Variants in DNAH10 observed in about 807,000 individuals in gnomAD.
DNAH10 encodes the protein dynein axonemal heavy chain 10.
Under a neutral mutation model 506.6 loss-of-function variants are expected in DNAH10, and 348 were observed. The observed-to-expected ratio is 0.69, with a 90% CI of 0.63 to 0.75. The LOEUF (loss-of-function observed/expected upper bound fraction) is 0.75. DNAH10 is among the 30% of genes least tolerant of loss of function. The pLI, the probability that DNAH10 is intolerant of heterozygous loss-of-function variation, is 0.00. For missense variants in DNAH10, 5,179 were observed against 5,787.1 expected (o/e 0.89, Z 3.41); for synonymous variants, 2,059 against 2,198.6 (o/e 0.94, Z 1.78).
At chr12:123,822,123 CT>C (rs1459430073) in intron 24 of DNAH10, among the ~76,000 whole-genome samples, 1 of 152,174 alleles carries the variant, frequency 6.6e-6, no homozygotes, top group African/African-American at 2.4e-5. Context: ...ACAAGAATCG[CT>C]TGAACCCAGG....
At position 123,917,497 on chromosome 12, in the gene DNAH10, G is replaced by A. The variant is rs907676317; in HGVS notation, c.11003-87G>A. On this transcript the variant is annotated intron_variant, in intron 63 of 78. Coordinates refer to ENST00000673944, the MANE Select transcript of DNAH10 (RefSeq NM_001372106.1). This position sits in a 1 kb window ranked among gnomAD's most constrained non-coding sequence, Gnocchi z 5.6. ...CTCTGGCCTGCTGGCTGAGACCCGCGCTAAGCTTGTCCCGTCACAGCAGGG... is the reference window on the plus strand; with the variant it reads ...CTCTGGCCTGCTGGCTGAGACCCGCACTAAGCTTGTCCCGTCACAGCAGGG... The A allele has an allele frequency of 1.1e-5, 15 of 1,372,820 alleles. No homozygotes were observed. Among genetic ancestry groups the A allele is most frequent in the African/African-American group, 2.9e-5 (2 of 69,740 alleles). The allele number at this position is 1,372,820 out of a possible 1,614,324, so 85.0% of individuals were successfully genotyped here. A position where few individuals can be genotyped will look rare whatever the true frequency, so the allele number is the denominator to read the frequency against.
rs551991055 is a variant in DNAH10 at position 123,917,940 on chromosome 12, A to G, written c.11232+127A>G. On this transcript the variant is annotated intron_variant, in intron 64 of 78. Coordinates refer to ENST00000673944, the MANE Select transcript of DNAH10 (RefSeq NM_001372106.1). The surrounding 1 kb of genome is among the most constrained non-coding windows in gnomAD (Gnocchi z 5.6). ...ATCTCAGGGCTAAAAACCCACCTCT[A>G]TTGGGATGTGCTGTGGGGAGGGGAG... The G allele has an allele frequency of 4.2e-5, 43 of 1,013,232 alleles. No individual in the cohort carries two copies. The African/African-American group carries it at 5.8e-4, about 14-fold the overall frequency. The allele number at this position is 1,013,232 out of a possible 1,614,324, so 62.8% of individuals were successfully genotyped here. A position where few individuals can be genotyped will look rare whatever the true frequency, so the allele number is the denominator to read the frequency against.
At chr12:123,774,351 T>C in intron 5 of DNAH10, 87 bp downstream of exon 5, 1 of 1,030,116 alleles carries the variant, frequency 9.7e-7, no homozygotes, top group Non-Finnish European at 1.4e-6. Flanking sequence ...AGCGGGCAGC[T>C]CTTCTGTCTC....
chr12:123,932,028 A>C lies in DNAH10; in HGVS notation c.13216A>C (p.Arg4406=), dbSNP rs1955237771. 6.2e-7 allele frequency: 1 copy of C among 1,614,028 alleles called. No homozygotes were observed. Among genetic ancestry groups the C allele is most frequent in the South Asian group, 1.1e-5 (1 of 91,076 alleles). ...CGGGCATATCCCTAATATCTGGAGA[A>C]GGCTTGCTCCTGACACCTTAAAGTC... ...FIGHIPNIWR[R]LAPDTLKSLG... Residue 4406 remains arginine, a synonymous_variant, in exon 76 of 79, where the codon AGG becomes CGG. Transcript: ENST00000673944.
chr12:123,810,747 G>A (rs1174372915), intron 19 of DNAH10, among the ~76,000 whole-genome samples: 1 of 152,102 alleles, frequency 6.6e-6, no homozygotes, highest in East Asian at 1.9e-4. Flanking sequence ...TGCTAAGACA[G>A]TTATTTATTA....
Position 123,823,929 on chromosome 12 carries a change from A to G in DNAH10, c.4180-2758A>G, listed in dbSNP as rs1455779586. On this transcript the variant is annotated intron_variant, in intron 24 of 78. Transcript: ENST00000673944. The stretch of plus-strand genomic sequence containing the variant: ...AGACATAGCTTGGTCCCCCCAGCCT[A>G]CTCTGGTCTGTGGATGTTAAGGGAC... Among the ~76,000 whole-genome samples the G allele has an allele frequency of 2.0e-5, 3 of 151,892 alleles. No homozygotes were observed. In the East Asian group the frequency reaches 5.8e-4, roughly 29 times the overall value.
In DNAH10 at chr12:123,897,859, C is replaced by G. The variant is rs1277488806; in HGVS notation, c.9370C>G (p.Gln3124Glu). The G allele has an allele frequency of 6.2e-7, 1 of 1,611,300 alleles. No individual in the cohort carries two copies. The highest frequency in any genetic ancestry group is 1.1e-5 in the South Asian group (1 of 90,058). Reference protein sequence around the residue: ...VHQSVDHYSQQFLQKLRRSNY... With the variant: ...VHQSVDHYSQEFLQKLRRSNY... The stretch of plus-strand genomic sequence containing the variant: ...CCAATCCGTGGACCACTACAGCCAA[C>G]AGTTTCTACAGAAATTGAGGCGCAG... The change falls in exon 55 of 79, where the codon CAG (glutamine) becomes GAG (glutamate). Residue 3124 changes from glutamine (Q) to glutamate (E), a missense_variant. Coordinates refer to ENST00000673944, the MANE Select transcript of DNAH10 (RefSeq NM_001372106.1).
chr12:123,918,564 C>T, intron 64 of DNAH10, 112 bp from the exon 65 acceptor site: 2 of 1,337,468 alleles, frequency 1.5e-6, no homozygotes, highest in East Asian at 2.4e-5. Flanking sequence ...TCCCTGGATA[C>T]TTTCAAAGCC....
chr12:123,857,051 T>G lies in DNAH10; in HGVS notation c.6439-5T>G, dbSNP rs1218332895. 1 of 1,602,816 alleles carries G rather than the reference T, an allele frequency of 6.2e-7. No homozygotes were observed. Among genetic ancestry groups the G allele is most frequent in the Admixed American group, 1.7e-5 (1 of 58,362 alleles). ...TCTTGGAAACATGTGTTTCATTTCC[T>G]GCAGGACGTGGTGCTGATGAGGGCC... On this transcript the variant is annotated splice_region_variant and splice_polypyrimidine_tract_variant and intron_variant, in intron 36 of 78. Coordinates refer to ENST00000673944, the MANE Select transcript of DNAH10 (RefSeq NM_001372106.1).
At chr12:123,898,447 T>A (rs117627567) in intron 55 of DNAH10, among the ~76,000 whole-genome samples, 1,887 of 152,334 alleles carry the variant, frequency 0.012, 20 homozygotes, top group South Asian at 0.017. Context: ...GCTCTGGCTG[T>A]TGGCCAAGGG....
Position 123,845,634 on chromosome 12 carries a change from G to A in DNAH10, c.5395G>A (p.Val1799Met), listed in dbSNP as rs867208380. The A allele has an allele frequency of 4.3e-6, 7 of 1,613,512 alleles. No individual in the cohort carries two copies. The highest frequency in any genetic ancestry group is 1.6e-4 in the Middle Eastern group (1 of 6,062). ...DWMLLYQGMVVLAASQVWWTW... is the reference protein window; with the variant it reads ...DWMLLYQGMVMLAASQVWWTW... ...GATGCTCCTGTACCAGGGCATGGTG[G>A]TGCTGGCCGCTAGCCAGGTGTGGTG... The change falls in exon 31 of 79, where the codon GTG (valine) becomes ATG (methionine). Residue 1799 changes from valine (V) to methionine (M), a missense_variant. Transcript: ENST00000673944.
In DNAH10 at chr12:123,803,726, A is replaced by G. The variant is rs1234293162; in HGVS notation, c.2680A>G (p.Ile894Val). ...IGKFESLVHQ[I>V]HKNADDISSR... ...GAAATTTGAGTCTCTCGTCCACCAG[A>G]TTCATAAGAATGCAGATGACATTTC... is the stretch of plus-strand genomic sequence containing the variant. Residue 894 changes from isoleucine (I) to valine (V), a missense_variant, in exon 17 of 79, where the codon ATT (isoleucine) becomes GTT (valine). Ile to Val is a conservative substitution (Grantham distance 29). Around this residue, in one of 3 missense-constraint regions of DNAH10, gnomAD observed 4,844 missense variants for 5,430.5 expected, o/e 0.89. Coordinates refer to ENST00000673944, the MANE Select transcript of DNAH10 (RefSeq NM_001372106.1). 10 of 1,611,970 alleles carry G rather than the reference A, an allele frequency of 6.2e-6. No individual in the cohort carries two copies. The highest frequency in any genetic ancestry group is 8.5e-6 in the Non-Finnish European group (10 of 1,179,476).
At chr12:123,896,144 CACACAG>C (rs1303729098) in intron 54 of DNAH10, among the ~76,000 whole-genome samples, 18 of 110,696 alleles carry the variant, frequency 1.6e-4, no homozygotes, top group Middle Eastern at 4.4e-3. Flanking sequence ...CACACACACA[CACACAG>C]AGAGAGAGAG....
At chr12:123,831,348 A>G (rs1050746871) in intron 26 of DNAH10, among the ~76,000 whole-genome samples, 1 of 152,248 alleles carries the variant, frequency 6.6e-6, no homozygotes, top group Non-Finnish European at 1.5e-5. Context: ...GTACACAGGT[A>G]CACACATACA....
intron 64 of DNAH10, 111 bp from the exon 65 acceptor site, chr12:123,918,565 T>C: frequency 7.4e-7 from 1 of 1,349,118 alleles, no homozygotes; most frequent in Non-Finnish European, 9.9e-7. Flanking sequence ...CCCTGGATAC[T>C]TTCAAAGCCC....
chr12:123,797,818 T>A (rs1356492306), intron 13 of DNAH10, among the ~76,000 whole-genome samples: 1 of 152,226 alleles, frequency 6.6e-6, no homozygotes, highest in Non-Finnish European at 1.5e-5. Context: ...TTCGATATGA[T>A]CTCACCCCCC....
chr12:123,859,361 G>A, intron 38 of DNAH10, 93 bp downstream of exon 38: 1 of 1,040,298 alleles, frequency 9.6e-7, no homozygotes, highest in Non-Finnish European at 1.3e-6. Flanking sequence ...TTTGCTCTCT[G>A]ATTTCCTGGG....
chr12:123,883,909 T>C (rs1405164430), intron 51 of DNAH10, among the ~76,000 whole-genome samples: 1 of 152,154 alleles, frequency 6.6e-6, no homozygotes, highest in East Asian at 1.9e-4. Context: ...GCCTCAGTTC[T>C]TCTCAGATGC....
chr12:123,864,336 G>A (rs929316564), intron 39 of DNAH10, among the ~76,000 whole-genome samples: 1 of 151,476 alleles, frequency 6.6e-6, no homozygotes, highest in African/African-American at 2.4e-5. Flanking sequence ...TAGTAGAGAC[G>A]GGGTTTCACT....
Sources: allele counts gnomAD v4.1 joint callset (sites outside exome capture counted in the v4.1 genomes callset), GRCh38; gene constraint gnomAD v4.1.1; regional missense constraint gnomAD v4.1.1; non-coding constraint Gnocchi (gnomAD v3.1); transcripts MANE v1.5; gene names NCBI Gene and HGNC (gene_info 2026-07-23, HGNC 2026-07-21).